MDGA2: variants seen among roughly 807,000 people sequenced by gnomAD.
MDGA2 encodes the protein MAM domain-containing glycosylphosphatidylinositol anchor protein 2.
MDGA2 carries 40 observed loss-of-function variants against 117.8 expected under a neutral mutation model. The ratio of observed to expected loss-of-function variants is 0.34; its 90% confidence interval spans 0.26 to 0.44. The LOEUF (loss-of-function observed/expected upper bound fraction) is 0.44, where lower values mean the gene tolerates loss of function less well. MDGA2 is among the 20% of genes least tolerant of loss of function. MDGA2 has a pLI of 1.00. For synonymous variants in MDGA2, 452 were observed against 439.0 expected, an observed-to-expected ratio of 1.03 and a Z score of -0.37; for missense variants, 1,123 against 1,250.6, an observed-to-expected ratio of 0.90 and a Z score of 1.54.
chr14:47,108,850 G>A (rs1880883334), intron 5 of MDGA2, among the ~76,000 whole-genome samples: 1 of 152,158 alleles, frequency 6.6e-6, no homozygotes, highest in South Asian at 2.1e-4. Context: ...AAAAGTCAGT[G>A]AAGCAAAAAA....
intron 1 of MDGA2, among the ~76,000 whole-genome samples, chr14:47,453,553 T>G (rs1238549743): frequency 1.3e-5 from 2 of 152,150 alleles, no homozygotes; most frequent in African/African-American, 2.4e-5. Flanking sequence ...TTTTACTCAT[T>G]TCTCACTCTT....
intron 1 of MDGA2, among the ~76,000 whole-genome samples, chr14:47,650,037 A>T (rs927224339): frequency 2.0e-5 from 3 of 152,146 alleles, no homozygotes; most frequent in African/African-American, 7.2e-5. Context: ...CAACAGACTG[A>T]TTAAAGCACA....
In MDGA2 at chr14:47,284,425, T is replaced by C. The variant is rs1019824500; in HGVS notation, c.420+16986A>G. Among the ~76,000 whole-genome samples, 3 of 152,140 alleles carry C rather than the reference T, an allele frequency of 2.0e-5. No individual in the cohort carries two copies. In the South Asian group the frequency reaches 6.2e-4, roughly 32 times the overall value. Reference sequence around the variant, plus strand: ...GGACAGCTTGGCAAGTAGTACCTATTTGAGAACTGTGTGAGAGAGAAACTC... The same window carrying C: ...GGACAGCTTGGCAAGTAGTACCTATCTGAGAACTGTGTGAGAGAGAAACTC... On this transcript the variant is annotated intron_variant, in intron 2 of 16. Transcript: ENST00000399232.
chr14:47,184,116 GTGTA>G (rs1338864077), intron 3 of MDGA2, among the ~76,000 whole-genome samples: 1 of 152,056 alleles, frequency 6.6e-6, no homozygotes, highest in East Asian at 1.9e-4. Context: ...GTGTATATGT[GTGTA>G]TGTATGAATG....
At chr14:47,142,926 A>G (rs1014498836) in intron 4 of MDGA2, among the ~76,000 whole-genome samples, 1 of 152,204 alleles carries the variant, frequency 6.6e-6, no homozygotes, top group African/African-American at 2.4e-5. Context: ...TAAAGAATAC[A>G]TATTTTAATT....
intron 1 of MDGA2, among the ~76,000 whole-genome samples, chr14:47,630,659 C>T (rs1225508604): frequency 6.6e-6 from 1 of 152,136 alleles, no homozygotes; most frequent in African/African-American, 2.4e-5. Context: ...TCCTGTAACT[C>T]TGAGAATGAA....
intron 8 of MDGA2, among the ~76,000 whole-genome samples, chr14:47,015,453 A>G (rs1259870308): frequency 6.6e-6 from 1 of 152,094 alleles, no homozygotes; most frequent in East Asian, 1.9e-4. Flanking sequence ...AGGTAAAAAA[A>G]AAAAGGAAGG....
chr14:46,860,120 T>A (rs1881450464), intron 14 of MDGA2, among the ~76,000 whole-genome samples: 1 of 152,100 alleles, frequency 6.6e-6, no homozygotes, highest in Non-Finnish European at 1.5e-5. Flanking sequence ...TATCCACTTT[T>A]TAAGCAAAAA....
chr14:47,091,642 G>C (rs1366387268), intron 6 of MDGA2, among the ~76,000 whole-genome samples: 1 of 152,096 alleles, frequency 6.6e-6, no homozygotes, highest in East Asian at 1.9e-4. Context: ...AATCTGATCA[G>C]GATAATGAGA....
chr14:47,607,751 G>A (rs919513402), intron 1 of MDGA2, among the ~76,000 whole-genome samples: 2 of 152,006 alleles, frequency 1.3e-5, no homozygotes, highest in African/African-American at 4.8e-5. Context: ...GGGGATATGG[G>A]ATATGTATTT....
intron 9 of MDGA2, among the ~76,000 whole-genome samples, chr14:46,940,904 G>A (rs1266989190): frequency 2.6e-5 from 4 of 152,176 alleles, no homozygotes; most frequent in Non-Finnish European, 5.9e-5. Context: ...GTGAGTTGGA[G>A]AGAAGCCCAG....
chr14:47,236,453 G>A (rs1243556202), intron 2 of MDGA2, among the ~76,000 whole-genome samples: 3 of 152,126 alleles, frequency 2.0e-5, no homozygotes, highest in African/African-American at 7.2e-5. Flanking sequence ...TAAAGAGACT[G>A]AGATTCACAT....
intron 1 of MDGA2, among the ~76,000 whole-genome samples, chr14:47,561,175 G>GTTT (rs150826944): frequency 7.2e-5 from 5 of 69,364 alleles, no homozygotes; most frequent in South Asian, 7.0e-4. Context: ...TTTTTTGTTT[G>GTTT]TTTGTTTTTT....
chr14:47,229,654 A>G (rs1011895588), intron 2 of MDGA2, among the ~76,000 whole-genome samples: 2 of 151,934 alleles, frequency 1.3e-5, no homozygotes, highest in Non-Finnish European at 2.9e-5. Flanking sequence ...TATTTTAAAA[A>G]TCTAAAAAAA....
chr14:47,295,422 G>A (rs1042582957), intron 2 of MDGA2, among the ~76,000 whole-genome samples: 17 of 152,174 alleles, frequency 1.1e-4, no homozygotes, highest in South Asian at 4.2e-4. Context: ...TTTAAAAACC[G>A]GTCATACTTT....
chr14:47,366,072 T>C (rs1938159349), intron 1 of MDGA2, among the ~76,000 whole-genome samples: 2 of 152,150 alleles, frequency 1.3e-5, no homozygotes, highest in South Asian at 4.1e-4. Context: ...CCAAAGCACT[T>C]TTATAGGTCA....
At chr14:47,389,707 A>T (rs943531857) in intron 1 of MDGA2, among the ~76,000 whole-genome samples, 2 of 151,878 alleles carry the variant, frequency 1.3e-5, no homozygotes, top group Admixed American at 6.6e-5. Flanking sequence ...ATACCGCCCT[A>T]CTTTGCAGTC....
intron 1 of MDGA2, among the ~76,000 whole-genome samples, chr14:47,550,202 G>A (rs1895554366): frequency 6.6e-6 from 1 of 152,024 alleles, no homozygotes; most frequent in African/African-American, 2.4e-5. Flanking sequence ...AGGTACTCAG[G>A]TTCATATACT....
At chr14:47,175,534 A>G (rs1477137552) in intron 3 of MDGA2, among the ~76,000 whole-genome samples, 2 of 151,578 alleles carry the variant, frequency 1.3e-5, no homozygotes, top group African/African-American at 4.9e-5. Context: ...TATAAACAGA[A>G]CCAAAGACAA....
Sources: gnomAD v4.1 joint callset for allele counts (sites outside exome capture counted in the v4.1 genomes callset) on GRCh38, gnomAD v4.1.1 for gene constraint, MANE v1.5 for transcripts, NCBI Gene and HGNC (gene_info 2026-07-23, HGNC 2026-07-21) for gene names.